Variants in TMPRSS15 observed in about 807,000 individuals in gnomAD.
The protein encoded by TMPRSS15 is transmembrane serine protease 15, also known as enteropeptidase.
Under a neutral mutation model 125.3 loss-of-function variants are expected in TMPRSS15, and 128 were observed. The observed-to-expected ratio is 1.02, with a 90% CI of 0.89 to 1.18. The LOEUF is 1.18. TMPRSS15 is among the 50% of genes most tolerant of loss of function. TMPRSS15 has a pLI of 0.00. For synonymous variants in TMPRSS15, 446 were observed against 423.2 expected (o/e 1.05, Z -0.66); for missense variants, 1,283 against 1,212.7 (o/e 1.06, Z -0.86).
At chr21:18,392,941 C>G (rs1416189621) in intron 3 of TMPRSS15, among the ~76,000 whole-genome samples, 2 of 152,138 alleles carry the variant, frequency 1.3e-5, no homozygotes, top group African/African-American at 2.4e-5. Context: ...CCAATCACCT[C>G]CCACCAGGTC....
At chr21:18,377,143 T>A (rs376085242) in intron 5 of TMPRSS15, among the ~76,000 whole-genome samples, 4 of 152,238 alleles carry the variant, frequency 2.6e-5, no homozygotes, top group African/African-American at 9.6e-5. Context: ...ATGGATTCAC[T>A]AATAAGAAAA....
At chr21:18,324,197 G>C (rs1267099712) in intron 16 of TMPRSS15, among the ~76,000 whole-genome samples, 1 of 151,708 alleles carries the variant, frequency 6.6e-6, no homozygotes, top group Non-Finnish European at 1.5e-5. Flanking sequence ...TATTAGTTTT[G>C]ATCTGCTTTT....
At chr21:18,349,937 A>C (rs1038939120) in intron 10 of TMPRSS15, among the ~76,000 whole-genome samples, 1 of 152,194 alleles carries the variant, frequency 6.6e-6, no homozygotes, top group Admixed American at 6.6e-5. Context: ...ATCTCTTATT[A>C]GGATGACATA....
intron 1 of TMPRSS15, among the ~76,000 whole-genome samples, chr21:18,412,731 T>C (rs2076169195): frequency 6.6e-6 from 1 of 152,170 alleles, no homozygotes; most frequent in African/African-American, 2.4e-5. Flanking sequence ...ACCCTGCTGC[T>C]GCTGCTGCTG....
At chr21:18,314,328 G>C (rs1202234508) in intron 17 of TMPRSS15, among the ~76,000 whole-genome samples, 3 of 152,094 alleles carry the variant, frequency 2.0e-5, no homozygotes, top group African/African-American at 4.8e-5. Context: ...ACAAAGGCTG[G>C]AGTGCAATGG....
At chr21:18,326,393 C>A in intron 16 of TMPRSS15, 39 bp downstream of exon 16, 1 of 1,613,856 alleles carries the variant, frequency 6.2e-7, no homozygotes. Flanking sequence ...TGTTTTGCTC[C>A]AAAAGTTATG....
chr21:18,483,056 C>G (rs1185057665), intron 1 of TMPRSS15, among the ~76,000 whole-genome samples: 1 of 151,722 alleles, frequency 6.6e-6, no homozygotes, highest in Non-Finnish European at 1.5e-5. Flanking sequence ...CTATTAGTAT[C>G]TATATTATTC....
intron 3 of TMPRSS15, among the ~76,000 whole-genome samples, chr21:18,386,795 T>A (rs944046967): frequency 6.6e-6 from 1 of 152,210 alleles, no homozygotes; most frequent in Admixed American, 6.5e-5. Context: ...ATCTGTTTTA[T>A]TTCTATGTAA....
chr21:18,481,612 C>T (rs1171830536), intron 1 of TMPRSS15, among the ~76,000 whole-genome samples: 1 of 151,578 alleles, frequency 6.6e-6, no homozygotes, highest in East Asian at 1.9e-4. Context: ...ATATTTTTAT[C>T]TTGAGATAAA....
chr21:18,275,081 G>T (rs1347549420), intron 24 of TMPRSS15, 116 bp downstream of exon 24: 2 of 1,395,740 alleles, frequency 1.4e-6, no homozygotes, highest in Admixed American at 1.7e-5. Flanking sequence ...TAACAGTTTT[G>T]TAAAAGAGAA....
At chr21:18,271,664 T>C (rs891762236) in intron 24 of TMPRSS15, among the ~76,000 whole-genome samples, 2 of 152,162 alleles carry the variant, frequency 1.3e-5, no homozygotes, top group Admixed American at 6.6e-5. Flanking sequence ...GTTTGTTACA[T>C]AGGTATACGT....
At chr21:18,389,967 G>A (rs541149131) in intron 3 of TMPRSS15, among the ~76,000 whole-genome samples, 8 of 152,196 alleles carry the variant, frequency 5.3e-5, no homozygotes, top group South Asian at 4.1e-4. Flanking sequence ...AATTTGGCAC[G>A]AGTTCATTGT....
Position 18,326,518 on chromosome 21 carries a change from A to G in TMPRSS15, c.1835T>C (p.Met612Thr). 6.2e-7 allele frequency: 1 copy of G among 1,614,140 alleles called. No homozygotes were observed. Among genetic ancestry groups the G allele is most frequent in the South Asian group, 1.1e-5 (1 of 91,078 alleles). The change falls in exon 16 of 25, where the codon ATG becomes ACG. Residue 612 changes from methionine (M) to threonine (T), a missense_variant. Physicochemically the swap from Met to Thr is moderately conservative, Grantham distance 81 (BLOSUM62 -1). Transcript: ENST00000284885. ...ATCGTTAGTGATGAGAAGCACAGTC[A>G]TTCTGTTGGTGGTAGAGAACACATC... The part of the protein sequence containing the change: ...VKDVFSTTNR[M>T]TVLLITNDVL...
chr21:18,475,180 A>G (rs1459307542), intron 1 of TMPRSS15, among the ~76,000 whole-genome samples: 1 of 152,220 alleles, frequency 6.6e-6, no homozygotes, highest in Non-Finnish European at 1.5e-5. Context: ...GACTTCAGTC[A>G]TGTATAAATG....
chr21:18,403,817 A>G (rs537169982), upstream of TMPRSS15, among the ~76,000 whole-genome samples: 1 of 152,346 alleles, frequency 6.6e-6, no homozygotes, highest in East Asian at 1.9e-4. Context: ...AAGTATCATT[A>G]AAAGGGTAGT....
intron 5 of TMPRSS15, among the ~76,000 whole-genome samples, 160 bp downstream of exon 5, chr21:18,379,123 C>T (rs1313386848): frequency 6.6e-6 from 1 of 151,984 alleles, no homozygotes; most frequent in Non-Finnish European, 1.5e-5. Flanking sequence ...GTGGTGAAAT[C>T]CAGGGCTAAA....
Position 18,365,162 on chromosome 21 carries a change from C to T in TMPRSS15, c.751G>A (p.Val251Ile), listed in dbSNP as rs1056496431. 5.6e-6 allele frequency: 9 copies of T among 1,614,028 alleles called. No individual in the cohort carries two copies. Among genetic ancestry groups the T allele is most frequent in the Non-Finnish European group, 7.6e-6 (9 of 1,179,942 alleles). The change falls in exon 7 of 25, where the codon GTT becomes ATT. Residue 251 changes from valine (V) to isoleucine (I), a missense_variant. Physicochemically the swap from Val to Ile is conservative, Grantham distance 29. Coordinates refer to ENST00000284885, the MANE Select transcript of TMPRSS15 (RefSeq NM_002772.3). ...THYPKPSETS[V>I]VCQWIIRVNQ... Reference sequence around the variant, plus strand: ...TACCGTATGATCCACTGGCAGACAACACTTGTTTCAGAAGGTTTTGGATAA... The same window carrying T: ...TACCGTATGATCCACTGGCAGACAATACTTGTTTCAGAAGGTTTTGGATAA...
intron 1 of TMPRSS15, among the ~76,000 whole-genome samples, chr21:18,422,009 C>T (rs1040853182): frequency 8.3e-5 from 12 of 144,458 alleles, no homozygotes; most frequent in Non-Finnish European, 1.5e-4. Context: ...TTTCAGACTA[C>T]GTCTGGCTCT....
At chr21:18,318,187 G>A (rs1015301200) in intron 16 of TMPRSS15, among the ~76,000 whole-genome samples, 7 of 152,198 alleles carry the variant, frequency 4.6e-5, no homozygotes, top group African/African-American at 7.2e-5. Context: ...TGGCAGGGAA[G>A]CCCGGCTCTA....
Sources: allele counts gnomAD v4.1 joint callset (sites outside exome capture counted in the v4.1 genomes callset), GRCh38; gene constraint gnomAD v4.1.1; transcripts MANE v1.5; gene names NCBI Gene and HGNC (gene_info 2026-07-23, HGNC 2026-07-21).